Variants in ZBTB7C observed in about 807,000 individuals in gnomAD.
ZBTB7C encodes zinc finger and BTB domain-containing protein 7C.
Under a neutral mutation model 25.7 loss-of-function variants are expected in ZBTB7C, and 8 were observed. That is an observed-to-expected ratio of 0.31 (90% CI 0.18 to 0.56). ZBTB7C has a LOEUF of 0.56. ZBTB7C is among the 20% of genes least tolerant of loss of function. The pLI is 0.91. For missense variants in ZBTB7C, 824 were observed against 855.2 expected, an observed-to-expected ratio of 0.96 and a Z score of 0.46; for synonymous variants, 394 against 369.0, an observed-to-expected ratio of 1.07 and a Z score of -0.78.
intron 4 of ZBTB7C, 150 bp from the exon 5 acceptor site, chr18:48,030,061 ACTG>A: frequency 1.0e-6 from 1 of 1,003,690 alleles, no homozygotes; most frequent in Admixed American, 2.5e-5. Context: ...TCTACCCTCA[ACTG>A]CTGCCCCACC....
chr18:48,327,488 C>T (rs2046246876), intron 2 of ZBTB7C, among the ~76,000 whole-genome samples: 1 of 152,204 alleles, frequency 6.6e-6, no homozygotes, highest in Admixed American at 6.5e-5. Context: ...CACTGATCCC[C>T]AGCTCACAGC....
rs184223078 is a variant in ZBTB7C at position 48,108,323 on chromosome 18, C to T, written c.-16-67200G>A. Among the ~76,000 whole-genome samples, 7 of 152,202 alleles carry T rather than the reference C, an allele frequency of 4.6e-5. No individual in the cohort carries two copies. The East Asian group carries it at 5.8e-4, about 13-fold the overall frequency. The stretch of plus-strand genomic sequence containing the variant: ...TTCGGCAAGTTAAATGAACGTGTGG[C>T]GAGGGCGGGGAGGCGAGTGGGAGGA... On this transcript the variant is annotated intron_variant, in intron 3 of 4. Transcript: ENST00000590800.
At chr18:48,072,853 G>A (rs1438491978) in intron 3 of ZBTB7C, among the ~76,000 whole-genome samples, 1 of 152,226 alleles carries the variant, frequency 6.6e-6, no homozygotes, top group Non-Finnish European at 1.5e-5. Flanking sequence ...TGGGACCCCA[G>A]ATGTTTGACC....
intron 3 of ZBTB7C, among the ~76,000 whole-genome samples, chr18:48,045,079 C>T (rs962890969): frequency 2.0e-5 from 3 of 152,214 alleles, no homozygotes; most frequent in African/African-American, 4.8e-5. Flanking sequence ...AATGAGTGGC[C>T]CAGACTGCAG....
chr18:48,353,453 G>A (rs1324998059), intron 1 of ZBTB7C, among the ~76,000 whole-genome samples: 2 of 152,066 alleles, frequency 1.3e-5, no homozygotes, highest in Non-Finnish European at 2.9e-5. Context: ...GAGCTTCCCT[G>A]GTCTCCTTGT....
At chr18:48,199,992 TTGTGTGTGTGTGTGTGTG>T (rs57540482) in intron 2 of ZBTB7C, among the ~76,000 whole-genome samples, 1 of 149,206 alleles carries the variant, frequency 6.7e-6, no homozygotes, top group Non-Finnish European at 1.5e-5. Context: ...GGAAATGTAT[TTGTGTGTGTGTGTGTGTG>T]TGTGTGTGTG....
At chr18:48,101,118 C>G (rs1353155651) in intron 3 of ZBTB7C, among the ~76,000 whole-genome samples, 7 of 152,168 alleles carry the variant, frequency 4.6e-5, no homozygotes, top group Admixed American at 4.6e-4. Context: ...CCTGGCCTCT[C>G]CGGAACCCTC....
intron 1 of ZBTB7C, among the ~76,000 whole-genome samples, chr18:48,367,631 C>T (rs972876054): frequency 6.6e-6 from 1 of 151,918 alleles, no homozygotes; most frequent in Non-Finnish European, 1.5e-5. Context: ...ACAATAACTG[C>T]TCTATTCAGC....
intron 1 of ZBTB7C, among the ~76,000 whole-genome samples, chr18:48,376,984 C>T (rs1006101767): frequency 3.9e-5 from 6 of 152,176 alleles, no homozygotes; most frequent in African/African-American, 1.2e-4. Context: ...AACTCAAGTA[C>T]GTGGACAAGG....
chr18:48,093,889 AC>A (rs2038517323), intron 3 of ZBTB7C, among the ~76,000 whole-genome samples: 1 of 146,682 alleles, frequency 6.8e-6, no homozygotes, highest in Non-Finnish European at 1.5e-5. Context: ...TCCCGTCTCT[AC>A]TAAAAAAATA....
rs182092653 is a variant in ZBTB7C, at chr18:48,280,125, T to C, written c.-79+58049A>G. 3.0e-4 allele frequency among the ~76,000 whole-genome samples: 46 copies of C among 152,202 alleles called. No individual in the cohort carries two copies. In the East Asian group the frequency reaches 7.0e-3, roughly 23 times the overall value. ...TTAGAATACGGTGTGGTCAGTGCTG[T>C]AGGCAGGAGCACAGCCAAGGAGCAT... On this transcript the variant is annotated intron_variant, in intron 2 of 4. Coordinates refer to ENST00000590800, the MANE Select transcript of ZBTB7C (RefSeq NM_001318841.2).
intron 4 of ZBTB7C, among the ~76,000 whole-genome samples, chr18:48,032,635 A>G (rs2035813173): frequency 6.6e-6 from 1 of 150,960 alleles, no homozygotes. Context: ...ACAGGGTTTC[A>G]CCATATTAGC....
At chr18:48,162,705 C>T (rs2041106415) in intron 3 of ZBTB7C, among the ~76,000 whole-genome samples, 1 of 152,262 alleles carries the variant, frequency 6.6e-6, no homozygotes, top group Middle Eastern at 3.4e-3. Flanking sequence ...TGAAGTTCCC[C>T]CACAGGAAAA....
At chr18:48,267,594 G>C (rs1370482623) in intron 2 of ZBTB7C, among the ~76,000 whole-genome samples, 1 of 152,144 alleles carries the variant, frequency 6.6e-6, no homozygotes, top group Admixed American at 6.5e-5. Context: ...TGGTTTGCAG[G>C]TTGAAAGACA....
rs545927532 is a variant in ZBTB7C at position 48,236,667 on chromosome 18, A to G, written c.-78-50672T>C. ...GTGGGAAGTAAAAGACAAGTCTAAT[A>G]AGAACAGTAGATGGGATGTGTGAAT... On this transcript the variant is annotated intron_variant, in intron 2 of 4. Transcript: ENST00000590800. Among the ~76,000 whole-genome samples the G allele has an allele frequency of 4.6e-5, 7 of 152,320 alleles. No individual in the cohort carries two copies. The South Asian group carries it at 1.5e-3, about 32-fold the overall frequency.
In ZBTB7C at chr18:48,262,325, G is replaced by A. The variant is rs557519898; in HGVS notation, c.-79+75849C>T. 2.6e-5 allele frequency among the ~76,000 whole-genome samples: 4 copies of A among 152,270 alleles called. No individual in the cohort carries two copies. In the East Asian group the frequency reaches 7.7e-4, roughly 29 times the overall value. On this transcript the variant is annotated intron_variant, in intron 2 of 4. Transcript: ENST00000590800. ...AAGTTGAAGGATGAAGTACTTGGAA[G>A]GTGGCCCATAACCAAGCAACAGGGG... is the stretch of plus-strand genomic sequence containing the variant.
At chr18:48,340,984 C>T (rs949226374) in intron 1 of ZBTB7C, among the ~76,000 whole-genome samples, 5 of 152,176 alleles carry the variant, frequency 3.3e-5, no homozygotes, top group African/African-American at 1.2e-4. Context: ...CGGTTCCTTT[C>T]TCATAAAAGA....
chr18:48,110,105 A>ATGG (rs2039182228), intron 3 of ZBTB7C, among the ~76,000 whole-genome samples: 1 of 152,214 alleles, frequency 6.6e-6, no homozygotes, highest in Non-Finnish European at 1.5e-5. Flanking sequence ...TATTGAATTT[A>ATGG]TGGTGATGAT....
intron 3 of ZBTB7C, among the ~76,000 whole-genome samples, chr18:48,083,205 T>C (rs2038056778): frequency 6.6e-6 from 1 of 152,204 alleles, no homozygotes; most frequent in South Asian, 2.1e-4. Context: ...AAGCTAGCGC[T>C]ATGACCTACT....
Sources: allele counts gnomAD v4.1 joint callset (sites outside exome capture counted in the v4.1 genomes callset), GRCh38; gene constraint gnomAD v4.1.1; transcripts MANE v1.5; gene names NCBI Gene and HGNC (gene_info 2026-07-23, HGNC 2026-07-21).